The following MAN1C1 variants were observed in gnomAD, a reference collection of about 807,000 sequenced individuals.
The protein encoded by MAN1C1 is mannosidase alpha class 1C member 1, also known as mannosyl-oligosaccharide 1,2-alpha-mannosidase IC.
In MAN1C1, 49 loss-of-function variants were observed where a neutral mutation model predicts 71.5. The ratio of observed to expected loss-of-function variants is 0.69; its 90% confidence interval spans 0.54 to 0.87. MAN1C1 has a LOEUF of 0.87. MAN1C1 is among the 40% of genes least tolerant of loss of function. The probability of loss-of-function intolerance (pLI) is 0.00; values close to 1 mark genes in which losing one functional copy is unlikely to be tolerated. For missense variants in MAN1C1, 743 were observed against 835.0 expected, an observed-to-expected ratio of 0.89 and a Z score of 1.36; for synonymous variants, 352 against 343.7, an observed-to-expected ratio of 1.02 and a Z score of -0.27.
chr1:25,721,946 A>T (rs1160422008), intron 2 of MAN1C1, among the ~76,000 whole-genome samples: 1 of 152,198 alleles, frequency 6.6e-6, no homozygotes, highest in Non-Finnish European at 1.5e-5. Context: ...GGTCAGCACC[A>T]TCCAGTAGCT....
chr1:25,732,575 G>A (rs2046923809), intron 2 of MAN1C1, among the ~76,000 whole-genome samples: 1 of 152,210 alleles, frequency 6.6e-6, no homozygotes, highest in African/African-American at 2.4e-5. Context: ...GCGGCGTCCG[G>A]CATTTTGCAT....
At chr1:25,697,512 A>T (rs928091960) in intron 2 of MAN1C1, among the ~76,000 whole-genome samples, 4 of 152,238 alleles carry the variant, frequency 2.6e-5, no homozygotes, top group Non-Finnish European at 5.9e-5. Flanking sequence ...TGATACGAAC[A>T]TTCATGTATA....
chr1:25,629,673 G>A (rs139884067), intron 1 of MAN1C1, among the ~76,000 whole-genome samples: 225 of 151,942 alleles, frequency 1.5e-3, no homozygotes, highest in African/African-American at 5.1e-3. Context: ...TGCCCACCTC[G>A]GCCTCCCAAA....
intron 2 of MAN1C1, among the ~76,000 whole-genome samples, chr1:25,714,554 G>A (rs1557776530): frequency 6.6e-6 from 1 of 151,704 alleles, no homozygotes; most frequent in East Asian, 1.9e-4. Flanking sequence ...GCTTTTGAAA[G>A]CTTAGATAAA....
intron 2 of MAN1C1, among the ~76,000 whole-genome samples, chr1:25,717,697 C>A (rs2046701192): frequency 6.6e-6 from 1 of 151,624 alleles, no homozygotes; most frequent in Admixed American, 6.6e-5. Context: ...TCCTGAGTAG[C>A]TGGGATTACA....
At position 25,730,623 on chromosome 1, in the gene MAN1C1, C is replaced by T. The variant is rs1432045117; in HGVS notation, c.638-16045C>T. Among the ~76,000 whole-genome samples, 3 of 152,142 alleles carry T rather than the reference C, an allele frequency of 2.0e-5. No individual in the cohort carries two copies. The highest frequency in any genetic ancestry group is 2.9e-5 in the Non-Finnish European group (2 of 68,036). On this transcript the variant is annotated intron_variant, in intron 2 of 11. Transcript: ENST00000374332. The surrounding 1 kb of genome is among the most constrained non-coding windows in gnomAD (Gnocchi z 4.3). ...GAGAGCTGTCTCCTGGGCCGTGGCACGTTTGCTGCATTTGTGAATTGTTTG... is the reference window on the plus strand; with the variant it reads ...GAGAGCTGTCTCCTGGGCCGTGGCATGTTTGCTGCATTTGTGAATTGTTTG...
intron 1 of MAN1C1, among the ~76,000 whole-genome samples, chr1:25,668,949 A>C (rs182799599): frequency 9.9e-5 from 15 of 152,270 alleles, no homozygotes; most frequent in Non-Finnish European, 2.1e-4. Flanking sequence ...CAGCGACAGA[A>C]ATCTCAGCTA....
intron 1 of MAN1C1, among the ~76,000 whole-genome samples, chr1:25,625,051 G>A (rs1011937961): frequency 1.4e-5 from 2 of 140,068 alleles, no homozygotes; most frequent in Non-Finnish European, 3.0e-5. Flanking sequence ...TGTCTTCCAG[G>A]CTGGAGTGCC....
intron 1 of MAN1C1, among the ~76,000 whole-genome samples, chr1:25,656,095 CTT>C (rs59710145): frequency 3.3e-4 from 25 of 74,976 alleles, no homozygotes; most frequent in African/African-American, 1.7e-3. Flanking sequence ...GATTATCAGT[CTT>C]TTTTTTTTTT....
intron 2 of MAN1C1, among the ~76,000 whole-genome samples, chr1:25,738,128 A>C (rs1157387657): frequency 6.6e-6 from 1 of 152,158 alleles, no homozygotes. Context: ...TCCAGGAAGA[A>C]TCCCTAAAAA....
chr1:25,684,061 G>A (rs2046193609), intron 1 of MAN1C1, among the ~76,000 whole-genome samples: 1 of 152,132 alleles, frequency 6.6e-6, no homozygotes, highest in Admixed American at 6.5e-5. Flanking sequence ...TAGTTACTCT[G>A]GAACACCCAC....
At chr1:25,649,171 T>TA (rs2045656406) in intron 1 of MAN1C1, among the ~76,000 whole-genome samples, 1 of 152,252 alleles carries the variant, frequency 6.6e-6, no homozygotes, top group South Asian at 2.1e-4. Context: ...CTTCCTGGAC[T>TA]GTCTAGCACT....
chr1:25,636,688 G>A (rs866746956), intron 1 of MAN1C1, among the ~76,000 whole-genome samples: 1 of 152,330 alleles, frequency 6.6e-6, no homozygotes. Context: ...GTGGTCCTGA[G>A]GTGACGTACA....
intron 2 of MAN1C1, among the ~76,000 whole-genome samples, chr1:25,729,032 G>A (rs2046872338): frequency 6.6e-6 from 1 of 152,284 alleles, no homozygotes. Context: ...TTGCCCCTTC[G>A]TTAGCTTCTA....
intron 1 of MAN1C1, among the ~76,000 whole-genome samples, chr1:25,632,149 G>A (rs2045390752): frequency 6.6e-6 from 1 of 152,138 alleles, no homozygotes; most frequent in African/African-American, 2.4e-5. Flanking sequence ...TTGTATGTGT[G>A]TGGCAATTTT....
Position 25,769,800 on chromosome 1 carries a change from G to A in MAN1C1, c.1142-1857G>A, listed in dbSNP as rs532546664. Among the ~76,000 whole-genome samples the A allele has an allele frequency of 1.5e-4, 23 of 152,316 alleles. No homozygotes were observed. The South Asian group carries it at 3.1e-3, about 21-fold the overall frequency. ...GCAGACCCGTACGCAGGCACTCATC[G>A]CACACCCGGCGGGCACCCGATGGCA... On this transcript the variant is annotated intron_variant, in intron 7 of 11. Coordinates refer to ENST00000374332, the MANE Select transcript of MAN1C1 (RefSeq NM_020379.4). This position sits in a 1 kb window ranked among gnomAD's most constrained non-coding sequence, Gnocchi z 4.8.
At chr1:25,723,569 A>T (rs2046794927) in intron 2 of MAN1C1, among the ~76,000 whole-genome samples, 1 of 152,132 alleles carries the variant, frequency 6.6e-6, no homozygotes, top group Admixed American at 6.5e-5. Context: ...TTGTGGATTG[A>T]TGCATTATTT....
chr1:25,749,400 C>A, intron 4 of MAN1C1, 65 bp downstream of exon 4: 1 of 1,348,258 alleles, frequency 7.4e-7, no homozygotes, highest in Non-Finnish European at 1.0e-6. Context: ...AATATCCAGT[C>A]CTTCCCCCTC....
chr1:25,657,693 G>A (rs1053199030), intron 1 of MAN1C1, among the ~76,000 whole-genome samples: 2 of 152,174 alleles, frequency 1.3e-5, no homozygotes, highest in African/African-American at 4.8e-5. Context: ...TACAGCCGGA[G>A]CCATAGACAA....
Sources: gnomAD v4.1 joint callset for allele counts (sites outside exome capture counted in the v4.1 genomes callset) on GRCh38, gnomAD v4.1.1 for gene constraint, Gnocchi (gnomAD v3.1) non-coding constraint, MANE v1.5 for transcripts, NCBI Gene and HGNC (gene_info 2026-07-23, HGNC 2026-07-21) for gene names.